The following EIF1AD variants were observed in gnomAD, a reference collection of about 807,000 sequenced individuals.
EIF1AD encodes eukaryotic translation initiation factor 1A domain containing, also known as probable RNA-binding protein EIF1AD.
EIF1AD carries 9 observed loss-of-function variants against 21.7 expected under a neutral mutation model. The ratio of observed to expected loss-of-function variants is 0.41; its 90% CI spans 0.25 to 0.72. The LOEUF is 0.72. EIF1AD is among the 30% of genes least tolerant of loss of function. The pLI is 0.29. For synonymous variants in EIF1AD, 78 were observed against 70.9 expected, an observed-to-expected ratio of 1.10 and a Z score of -0.50; for missense variants, 164 against 199.7, an observed-to-expected ratio of 0.82 and a Z score of 1.08.
Position 66,000,410 on chromosome 11 carries a change from G to A in EIF1AD, c.-21C>T, listed in dbSNP as rs1372377385. ...GACATGCTGAAGTCGTCCCACACTG[G>A]TTAGGAACGAAGAGACTGTCAACTC... On this transcript the variant is annotated 5_prime_UTR_variant, in exon 2 of 6. Transcript: ENST00000533544. The A allele has an allele frequency of 6.3e-7, 1 of 1,586,494 alleles. No homozygotes were observed. The highest frequency in any genetic ancestry group is 1.3e-5 in the African/African-American group (1 of 74,268).
chr11:65,998,758 G>A lies in EIF1AD; in HGVS notation c.354-15C>T, dbSNP rs1855823098. 2.5e-6 allele frequency: 4 copies of A among 1,613,766 alleles called. No homozygotes were observed. The highest frequency in any genetic ancestry group is 3.4e-6 in the Non-Finnish European group (4 of 1,179,898). On this transcript the variant is annotated splice_polypyrimidine_tract_variant and intron_variant, in intron 5 of 5. Transcript: ENST00000533544. Reference sequence around the variant, plus strand: ...GTTGAGTTTGTCTGCACGAAGGGAAGAGAGCAGGGTTAGCCCAGCGCCTTC... The same window carrying A: ...GTTGAGTTTGTCTGCACGAAGGGAAAAGAGCAGGGTTAGCCCAGCGCCTTC...
Position 65,999,387 on chromosome 11 carries a change from A to C in EIF1AD, c.316T>G (p.Phe106Val), listed in dbSNP as rs757003583. 3 of 1,614,256 alleles carry C rather than the reference A, an allele frequency of 1.9e-6. No homozygotes were observed. The highest frequency in any genetic ancestry group is 2.7e-5 in the African/African-American group (2 of 75,068). Residue 106 changes from phenylalanine to valine, a missense_variant, in exon 5 of 6, where the codon TTC becomes GTC. Physicochemically the swap from Phe to Val is conservative, Grantham distance 50 (BLOSUM62 -1). Coordinates refer to ENST00000533544, the MANE Select transcript of EIF1AD (RefSeq NM_001242481.2). ...TTGTGTTTCTCAGCCACTTCAGAGA[A>C]GGCCTCAGGCCTATGCCAAGAGATG... ...LQKEGFWPEA[F>V]SEVAEKHNNR...
Position 65,999,394 on chromosome 11 carries a change from A to C in EIF1AD, c.309T>G (p.Pro103=). The change falls in exon 5 of 6, where the codon CCT becomes CCG. Residue 103 remains proline, a synonymous_variant. Transcript: ENST00000533544. ...VRSLQKEGFW[P]EAFSEVAEKH... is the part of the protein sequence containing the mutation. Reference sequence around the variant, plus strand: ...TCTCAGCCACTTCAGAGAAGGCCTCAGGCCTATGCCAAGAGATGAGCCAAA... The same window carrying C: ...TCTCAGCCACTTCAGAGAAGGCCTCCGGCCTATGCCAAGAGATGAGCCAAA... 1 of 1,614,254 alleles carries C rather than the reference A, an allele frequency of 6.2e-7. No homozygotes were observed. The highest frequency in any genetic ancestry group is 1.1e-5 in the South Asian group (1 of 91,090).
intron 3 of EIF1AD, 186 bp from the exon 4 acceptor site, chr11:65,999,861 C>A: frequency 1.6e-6 from 1 of 638,622 alleles, no homozygotes. Flanking sequence ...TAGCTGACTG[C>A]AGCCTCCACC....
rs1354904795 is a variant in EIF1AD, at chr11:65,997,517, G to C, written c.*1082C>G. 6.6e-6 allele frequency: 1 copy of C among 152,158 alleles called. No individual in the cohort carries two copies. Among genetic ancestry groups the C allele is most frequent in the Non-Finnish European group, 1.5e-5 (1 of 68,044 alleles). 9.4% of individuals were successfully genotyped at this position (152,158 alleles called of 1,614,324 possible). A position where few individuals can be genotyped will look rare whatever the true frequency, so the allele number is the denominator to read the frequency against. On this transcript the variant is annotated 3_prime_UTR_variant, in exon 6 of 6. Transcript: ENST00000533544. ...TAACTACCACAAGGGGGAATTGATAGATAAGACAGAAGTTTTGAAACAGAC... is the reference window on the plus strand; with the variant it reads ...TAACTACCACAAGGGGGAATTGATACATAAGACAGAAGTTTTGAAACAGAC...
rs921244140 is a variant in EIF1AD, at chr11:65,998,237, G to A, written c.*362C>T. On this transcript the variant is annotated 3_prime_UTR_variant, in exon 6 of 6. Coordinates refer to ENST00000533544, the MANE Select transcript of EIF1AD (RefSeq NM_001242481.2). Reference sequence around the variant, plus strand: ...CCCAGCTGTTAAACACATGCAAGAAGGCCCAGAGCACGGCCTGGCACTTTC... The same window carrying A: ...CCCAGCTGTTAAACACATGCAAGAAAGCCCAGAGCACGGCCTGGCACTTTC... 1 of 176,018 alleles carries A rather than the reference G, an allele frequency of 5.7e-6. No homozygotes were observed. The highest frequency in any genetic ancestry group is 2.4e-5 in the African/African-American group (1 of 41,948). The allele number at this position is 176,018 out of a possible 1,614,324, so 10.9% of individuals were successfully genotyped here.
At chr11:66,000,996 G>A (rs969802072) in intron 1 of EIF1AD, among the ~76,000 whole-genome samples, 2 of 152,208 alleles carry the variant, frequency 1.3e-5, no homozygotes, top group African/African-American at 4.8e-5. Flanking sequence ...AGACCCCTTA[G>A]AGTTGTAAGC....
chr11:65,998,508 G>A lies in EIF1AD; in HGVS notation c.*91C>T. ...GAGCCCTGCTTTGTCCTCATGCAGG[G>A]GTGAAGATGTGCAGAGCACCCTGGG... On this transcript the variant is annotated 3_prime_UTR_variant, in exon 6 of 6. Transcript: ENST00000533544. The A allele has an allele frequency of 1.1e-5, 17 of 1,485,100 alleles. No individual in the cohort carries two copies. Among genetic ancestry groups the A allele is most frequent in the Non-Finnish European group, 1.2e-5 (13 of 1,093,130 alleles). 92.0% of individuals were successfully genotyped at this position (1,485,100 alleles called of 1,614,324 possible).
chr11:65,999,843 C>T, intron 3 of EIF1AD, 168 bp from the exon 4 acceptor site: 1 of 650,820 alleles, frequency 1.5e-6, no homozygotes, highest in Non-Finnish European at 2.6e-6. Flanking sequence ...CAAGCAATAG[C>T]ATGATCATAG....
chr11:65,999,198 A>C, intron 5 of EIF1AD, 152 bp downstream of exon 5: 2 of 1,075,510 alleles, frequency 1.9e-6, no homozygotes, highest in Non-Finnish European at 2.7e-6. Context: ...TCTGACCTTC[A>C]AACCCCATTC....
At chr11:66,001,720 A>C (rs959987509) in intron 1 of EIF1AD, among the ~76,000 whole-genome samples, 190 bp downstream of exon 1, 2 of 152,178 alleles carry the variant, frequency 1.3e-5, no homozygotes, top group South Asian at 4.1e-4. Context: ...GCCAGGAACT[A>C]GTTAATTAAA....
rs1308890945 is a variant in EIF1AD, at chr11:65,997,949, A to T, written c.*650T>A. 1 of 152,380 alleles carries T rather than the reference A, an allele frequency of 6.6e-6. No homozygotes were observed. The highest frequency in any genetic ancestry group is 1.5e-5 in the Non-Finnish European group (1 of 68,152). 9.4% of individuals were successfully genotyped at this position (152,380 alleles called of 1,614,324 possible). ...TGGATGGACCATTCAAAACAAAGTTAAGGATAGAGAGATTTGCCAGCCACC... is the reference window on the plus strand; with the variant it reads ...TGGATGGACCATTCAAAACAAAGTTTAGGATAGAGAGATTTGCCAGCCACC... On this transcript the variant is annotated 3_prime_UTR_variant, in exon 6 of 6. Coordinates refer to ENST00000533544, the MANE Select transcript of EIF1AD (RefSeq NM_001242481.2).
Position 65,999,641 on chromosome 11 carries a change from T to C in EIF1AD, c.231A>G (p.Gly77=), listed in dbSNP as rs1855866472. The C allele has an allele frequency of 6.2e-7, 1 of 1,613,990 alleles. No homozygotes were observed. The highest frequency in any genetic ancestry group is 8.5e-7 in the Non-Finnish European group (1 of 1,179,978). The part of the protein sequence containing the change: ...DFLIVDPIEE[G]EKVKAEISFV... ...ACGAGATTTCAGCCTTCACCTTTTC[T>C]CCCTCTTCAATGGGGTCAACAATGA... The change falls in exon 4 of 6, where the codon GGA becomes GGG. Residue 77 remains glycine, a synonymous_variant. Coordinates refer to ENST00000533544, the MANE Select transcript of EIF1AD (RefSeq NM_001242481.2).
chr11:65,998,516 T>C lies in EIF1AD; in HGVS notation c.*83A>G. The C allele has an allele frequency of 6.5e-7, 1 of 1,529,942 alleles. No homozygotes were observed. Among genetic ancestry groups the C allele is most frequent in the East Asian group, 2.3e-5 (1 of 44,270 alleles). 94.8% of individuals were successfully genotyped at this position (1,529,942 alleles called of 1,614,324 possible). A position where few individuals can be genotyped will look rare whatever the true frequency, so the allele number is the denominator to read the frequency against. On this transcript the variant is annotated 3_prime_UTR_variant, in exon 6 of 6. Transcript: ENST00000533544. ...CTTTGTCCTCATGCAGGGGTGAAGA[T>C]GTGCAGAGCACCCTGGGAATGTCCA...
In EIF1AD at chr11:65,998,396, T is replaced by TC; in HGVS notation, c.*202dup. Reference sequence around the variant, plus strand: ...GTTTTTCACTTCATCACAATCTCCCTCCCCCGAGAGAGCCACTCAGACACC... The same window carrying TC: ...GTTTTTCACTTCATCACAATCTCCCTCCCCCCGAGAGAGCCACTCAGACACC... On this transcript the variant is annotated 3_prime_UTR_variant, in exon 6 of 6. Coordinates refer to ENST00000533544, the MANE Select transcript of EIF1AD (RefSeq NM_001242481.2). The TC allele has an allele frequency of 2.4e-6, 1 of 424,382 alleles. No homozygotes were observed. Among genetic ancestry groups the TC allele is most frequent in the Non-Finnish European group, 4.0e-6 (1 of 248,666 alleles). The allele number at this position is 424,382 out of a possible 1,614,324, so 26.3% of individuals were successfully genotyped here. A position where few individuals can be genotyped will look rare whatever the true frequency, so the allele number is the denominator to read the frequency against.
Position 66,000,456 on chromosome 11 carries a change from T to C in EIF1AD, c.-67A>G. ...AACTCCTCCTCCTGAGTTCCTTGGA[T>C]GGCAGGCTCAGAACCCAGGACTGTT... On this transcript the variant is annotated 5_prime_UTR_variant, in exon 2 of 6. Coordinates refer to ENST00000533544, the MANE Select transcript of EIF1AD (RefSeq NM_001242481.2). 5 of 1,505,432 alleles carry C rather than the reference T, an allele frequency of 3.3e-6. No homozygotes were observed. Among genetic ancestry groups the C allele is most frequent in the Non-Finnish European group, 4.5e-6 (5 of 1,106,880 alleles). The allele number at this position is 1,505,432 out of a possible 1,614,324, so 93.3% of individuals were successfully genotyped here.
chr11:65,998,577 T>C lies in EIF1AD; in HGVS notation c.*22A>G, dbSNP rs1231757341. 1.9e-6 allele frequency: 3 copies of C among 1,611,706 alleles called. No homozygotes were observed. Among genetic ancestry groups the C allele is most frequent in the Non-Finnish European group, 2.5e-6 (3 of 1,179,252 alleles). On this transcript the variant is annotated 3_prime_UTR_variant, in exon 6 of 6. Transcript: ENST00000533544. ...AGCCAGGGGCCAGTCCCTGAGCAAG[T>C]GGAGAATTGGGTCCTGGAGTCTCAG... is the stretch of plus-strand genomic sequence containing the variant.
rs151123151 is a variant in EIF1AD at position 65,999,765 on chromosome 11, G to A, written c.197-90C>T. On this transcript the variant is annotated intron_variant, in intron 3 of 5. Transcript: ENST00000533544. Reference sequence around the variant, plus strand: ...GAAGGGGTTCTATCTCCTAGAGAGGGCTGCCTCTCTCACCTCTCTCTTTTT... The same window carrying A: ...GAAGGGGTTCTATCTCCTAGAGAGGACTGCCTCTCTCACCTCTCTCTTTTT... 1.0e-4 allele frequency: 90 copies of A among 889,948 alleles called. No homozygotes were observed. The African/African-American group carries it at 1.1e-3, about 11-fold the overall frequency. 55.1% of individuals were successfully genotyped at this position (889,948 alleles called of 1,614,324 possible).
rs373921367 is a variant in EIF1AD, at chr11:65,998,559, G to A, written c.*40C>T. 2.5e-5 allele frequency: 40 copies of A among 1,608,014 alleles called. No individual in the cohort carries two copies. The highest frequency in any genetic ancestry group is 5.5e-5 in the South Asian group (5 of 90,292). Reference sequence around the variant, plus strand: ...AATGTCCAAGCCCAGAAGAGCCAGGGGCCAGTCCCTGAGCAAGTGGAGAAT... The same window carrying A: ...AATGTCCAAGCCCAGAAGAGCCAGGAGCCAGTCCCTGAGCAAGTGGAGAAT... On this transcript the variant is annotated 3_prime_UTR_variant, in exon 6 of 6. Transcript: ENST00000533544.
Sources: gnomAD v4.1 joint callset for allele counts (sites outside exome capture counted in the v4.1 genomes callset) on GRCh38, gnomAD v4.1.1 for gene constraint, MANE v1.5 for transcripts, NCBI Gene and HGNC (gene_info 2026-07-23, HGNC 2026-07-21) for gene names.